Variants in STARD10 observed in about 807,000 individuals in gnomAD.
STARD10 encodes StAR related lipid transfer domain containing 10.
A neutral mutation model predicts 36.0 loss-of-function variants in STARD10; 24 were observed. The observed-to-expected ratio is 0.67, with a 90% CI of 0.48 to 0.94. STARD10 has a LOEUF of 0.94. STARD10 is among the 40% of genes least tolerant of loss of function. The pLI is 0.00. For missense variants in STARD10, 335 were observed against 396.6 expected, an observed-to-expected ratio of 0.84 and a Z score of 1.32; for synonymous variants, 156 against 161.9, an observed-to-expected ratio of 0.96 and a Z score of 0.28.
intron 2 of STARD10, among the ~76,000 whole-genome samples, chr11:72,762,866 G>C (rs1858739284): frequency 6.6e-6 from 1 of 152,162 alleles, no homozygotes; most frequent in Non-Finnish European, 1.5e-5. Flanking sequence ...AGTCTCCGTG[G>C]TGTGGTATAG....
At chr11:72,755,305 T>TAA in intron 6 of STARD10, 163 bp from the exon 7 acceptor site, 1 of 634,594 alleles carries the variant, frequency 1.6e-6, no homozygotes, top group Non-Finnish European at 2.5e-6. Context: ...CATTCTCCAT[T>TAA]CTTTTTTTTT....
chr11:72,759,499 C>A (rs572384), intron 2 of STARD10, 118 bp from the exon 3 acceptor site: 10 of 1,240,320 alleles, frequency 8.1e-6, no homozygotes, highest in African/African-American at 1.5e-5. Context: ...AGAACAGGGG[C>A]CTCTGAAACC....
intron 2 of STARD10, among the ~76,000 whole-genome samples, chr11:72,772,419 G>T (rs1025864548): frequency 6.6e-6 from 1 of 152,168 alleles, no homozygotes; most frequent in African/African-American, 2.4e-5. Flanking sequence ...TAGTGGGCAT[G>T]GCTCTGGACT....
intron 1 of STARD10, among the ~76,000 whole-genome samples, chr11:72,784,186 C>T (rs1040455963): frequency 7.9e-5 from 12 of 152,198 alleles, no homozygotes; most frequent in African/African-American, 2.7e-4. Flanking sequence ...TCTCAAAACA[C>T]CCCTAAGCAG....
At chr11:72,768,242 C>T (rs142005846) in intron 2 of STARD10, among the ~76,000 whole-genome samples, 176 of 152,270 alleles carry the variant, frequency 1.2e-3, no homozygotes, top group African/African-American at 4.1e-3. Flanking sequence ...AGCCCCAGCG[C>T]CAGTGCCCCT....
At chr11:72,767,346 T>A (rs1430792826) in intron 2 of STARD10, among the ~76,000 whole-genome samples, 1 of 152,196 alleles carries the variant, frequency 6.6e-6, no homozygotes, top group East Asian at 1.9e-4. Context: ...CTGCATCCTT[T>A]GCAGATATTG....
chr11:72,777,437 T>C (rs1858941142), intron 2 of STARD10, among the ~76,000 whole-genome samples: 1 of 150,760 alleles, frequency 6.6e-6, no homozygotes, highest in Non-Finnish European at 1.5e-5. Context: ...CTGGCCCTGG[T>C]TGAATGACTG....
At chr11:72,759,046 G>C in intron 3 of STARD10, 188 bp downstream of exon 3, 1 of 640,112 alleles carries the variant, frequency 1.6e-6, no homozygotes, top group Non-Finnish European at 2.7e-6. Context: ...ATATGTATTT[G>C]TAAGTGTATG....
intron 2 of STARD10, among the ~76,000 whole-genome samples, chr11:72,769,094 G>A (rs1858827551): frequency 6.6e-6 from 1 of 152,218 alleles, no homozygotes; most frequent in East Asian, 1.9e-4. Flanking sequence ...GGGGTAAAGG[G>A]CTGGGGGGTG....
intron 4 of STARD10, 110 bp from the exon 5 acceptor site, chr11:72,757,994 G>T: frequency 1.1e-6 from 1 of 950,236 alleles, no homozygotes. Flanking sequence ...TAATTCACAT[G>T]CCGTGACATC....
rs1366925498 is a variant in STARD10 at position 72,789,169 on chromosome 11, G to A, written c.-114+3706C>T. On this transcript the variant is annotated intron_variant, in intron 1 of 6. Transcript: ENST00000334805. ...GCCTCAGTTGTTCCATCTAAGTTGG[G>A]TGGACTAATAGAATTTCTGTCATGA... Among the ~76,000 whole-genome samples, 3 of 152,228 alleles carry A rather than the reference G, an allele frequency of 2.0e-5. No individual in the cohort carries two copies. The South Asian group carries it at 6.2e-4, about 31-fold the overall frequency.
chr11:72,780,503 G>C (rs950467960), intron 2 of STARD10: 1 of 392,340 alleles, frequency 2.5e-6, no homozygotes, highest in Non-Finnish European at 5.2e-6. Context: ...GCAGGGCATC[G>C]GGCAGTAAGG....
At chr11:72,755,860 C>A in intron 5 of STARD10, 107 bp from the exon 6 acceptor site, 1 of 1,038,898 alleles carries the variant, frequency 9.6e-7, no homozygotes, top group East Asian at 2.6e-5. Flanking sequence ...ACTGTCTTCC[C>A]CATGAGGAGG....
chr11:72,771,815 G>A (rs931415816), intron 2 of STARD10, among the ~76,000 whole-genome samples: 1 of 152,172 alleles, frequency 6.6e-6, no homozygotes, highest in Non-Finnish European at 1.5e-5. Flanking sequence ...GGGCGAGGGG[G>A]AGCCAGACAG....
At chr11:72,784,698 A>T (rs633405) in intron 1 of STARD10, among the ~76,000 whole-genome samples, 4 of 152,178 alleles carry the variant, frequency 2.6e-5, no homozygotes, top group Non-Finnish European at 5.9e-5. Flanking sequence ...CTCCACAGGA[A>T]GTGAATTGAG....
At chr11:72,783,967 G>A (rs540762317) in intron 1 of STARD10, among the ~76,000 whole-genome samples, 3 of 152,284 alleles carry the variant, frequency 2.0e-5, no homozygotes, top group East Asian at 3.9e-4. Flanking sequence ...AAAGGTGGGC[G>A]ACCTGGCAGG....
intron 5 of STARD10, 149 bp from the exon 6 acceptor site, chr11:72,755,902 C>G: frequency 1.5e-6 from 1 of 649,472 alleles, no homozygotes; most frequent in Non-Finnish European, 2.6e-6. Context: ...CAAGCCTTTA[C>G]CCTCACTCCC....
chr11:72,784,855 C>T (rs1859051947), intron 1 of STARD10, among the ~76,000 whole-genome samples: 2 of 152,288 alleles, frequency 1.3e-5, no homozygotes, highest in South Asian at 2.1e-4. Flanking sequence ...TGAGAAGCGG[C>T]GTGGGAATGT....
intron 2 of STARD10, among the ~76,000 whole-genome samples, chr11:72,771,744 C>T (rs1858860998): frequency 6.6e-6 from 1 of 152,162 alleles, no homozygotes; most frequent in Admixed American, 6.5e-5. Flanking sequence ...AGCTCTGCAG[C>T]AGTGATGAAC....
Sources: allele counts gnomAD v4.1 joint callset (sites outside exome capture counted in the v4.1 genomes callset), GRCh38; gene constraint gnomAD v4.1.1; transcripts MANE v1.5; gene names NCBI Gene and HGNC (gene_info 2026-07-23, HGNC 2026-07-21).